The following SLCO2B1 variants were observed in gnomAD, a reference collection of about 807,000 sequenced individuals.
The protein encoded by SLCO2B1 is OATP-RP2.
Under a neutral mutation model 67.3 loss-of-function variants are expected in SLCO2B1, and 41 were observed. The observed-to-expected ratio is 0.61, with a 90% CI of 0.47 to 0.79. SLCO2B1 has a LOEUF of 0.79. Ranked by LOEUF, SLCO2B1 falls within the 30% of genes least tolerant of loss-of-function variation. SLCO2B1 has a pLI of 0.00. For synonymous variants in SLCO2B1, 379 were observed against 381.4 expected, an observed-to-expected ratio of 0.99 and a Z score of 0.07; for missense variants, 837 against 920.1, an observed-to-expected ratio of 0.91 and a Z score of 1.17.
intron 11 of SLCO2B1, 194 bp downstream of exon 11, chr11:75,200,581 AAAT>A: frequency 1.9e-6 from 1 of 524,140 alleles, no homozygotes; most frequent in South Asian, 3.3e-5. Context: ...GCAGATAAGA[AAAT>A]TGAGGCTCAG....
chr11:75,159,827 G>A (rs1299221751), intron 1 of SLCO2B1: 1 of 985,300 alleles, frequency 1.0e-6, no homozygotes, highest in Non-Finnish European at 1.2e-6. Context: ...AAGGCTTTGA[G>A]CCTTGGCAGA....
intron 6 of SLCO2B1, among the ~76,000 whole-genome samples, chr11:75,171,496 G>A (rs1256480609): frequency 6.6e-6 from 1 of 152,138 alleles, no homozygotes; most frequent in Admixed American, 6.6e-5. Context: ...GGCCTCTAAT[G>A]AGTCTTCCAC....
intron 8 of SLCO2B1, among the ~76,000 whole-genome samples, chr11:75,189,859 G>A (rs936741294): frequency 6.6e-6 from 1 of 152,060 alleles, no homozygotes; most frequent in Non-Finnish European, 1.5e-5. Flanking sequence ...CTACTGGGGA[G>A]GCTGAGGTGG....
chr11:75,172,337 C>A, intron 6 of SLCO2B1, 42 bp from the exon 7 acceptor site: 1 of 1,560,674 alleles, frequency 6.4e-7, no homozygotes, highest in South Asian at 1.2e-5. Flanking sequence ...AAGTGACAGC[C>A]TATCATCCTG....
chr11:75,165,430 CA>C (rs56318055), intron 3 of SLCO2B1, among the ~76,000 whole-genome samples: 72,612 of 127,084 alleles, frequency 0.57, 18,547 homozygotes, highest in Non-Finnish European at 0.63. Flanking sequence ...AATTCCGTCT[CA>C]AAAAAAAAAA....
chr11:75,192,502 A>C (rs1189944583), intron 8 of SLCO2B1, among the ~76,000 whole-genome samples: 1 of 152,124 alleles, frequency 6.6e-6, no homozygotes, highest in African/African-American at 2.4e-5. Flanking sequence ...AGGAGGATGA[A>C]GGCCTGGGAG....
chr11:75,171,132 C>A (rs1949955138), intron 6 of SLCO2B1, among the ~76,000 whole-genome samples: 1 of 152,126 alleles, frequency 6.6e-6, no homozygotes, highest in Admixed American at 6.5e-5. Flanking sequence ...AAAGCCAAAC[C>A]CATCCCCGGC....
intron 7 of SLCO2B1, among the ~76,000 whole-genome samples, chr11:75,177,922 C>T (rs937077856): frequency 5.3e-5 from 8 of 151,920 alleles, no homozygotes; most frequent in African/African-American, 9.7e-5. Context: ...TGGTGAAACC[C>T]GTCTCTACTA....
In SLCO2B1 at chr11:75,151,282, T is replaced by C. The variant is rs1949684347; in HGVS notation, c.-100T>C. The C allele has an allele frequency of 3.7e-6, 4 of 1,075,636 alleles. No homozygotes were observed. Among genetic ancestry groups the C allele is most frequent in the Non-Finnish European group, 5.6e-6 (4 of 716,918 alleles). 66.6% of individuals were successfully genotyped at this position (1,075,636 alleles called of 1,614,324 possible). A position where few individuals can be genotyped will look rare whatever the true frequency, so the allele number is the denominator to read the frequency against. Reference sequence around the variant, plus strand: ...ATCCCTGCTGTGGCTCACCTGCTGCTGTCTCCAGGAGCCCCTGAGAAGATT... The same window carrying C: ...ATCCCTGCTGTGGCTCACCTGCTGCCGTCTCCAGGAGCCCCTGAGAAGATT... On this transcript the variant is annotated 5_prime_UTR_variant, in exon 1 of 14. Coordinates refer to ENST00000289575, the MANE Select transcript of SLCO2B1 (RefSeq NM_007256.5).
chr11:75,173,111 C>G (rs1949984653), intron 7 of SLCO2B1, among the ~76,000 whole-genome samples: 1 of 152,168 alleles, frequency 6.6e-6, no homozygotes, highest in Non-Finnish European at 1.5e-5. Flanking sequence ...CAAGGCAGCA[C>G]TGGGATGAGA....
At chr11:75,178,886 G>A (rs1269420368) in intron 7 of SLCO2B1, among the ~76,000 whole-genome samples, 1 of 152,072 alleles carries the variant, frequency 6.6e-6, no homozygotes, top group Non-Finnish European at 1.5e-5. Flanking sequence ...TCTGTGCCTG[G>A]CTTATTTCAC....
intron 7 of SLCO2B1, among the ~76,000 whole-genome samples, chr11:75,173,614 C>T (rs2140317482): frequency 6.6e-6 from 1 of 152,222 alleles, no homozygotes; most frequent in East Asian, 1.9e-4. Context: ...CACAGAGGCC[C>T]AGCCCAGTGG....
At chr11:75,186,893 C>T (rs1944944418) in intron 7 of SLCO2B1, among the ~76,000 whole-genome samples, 1 of 152,126 alleles carries the variant, frequency 6.6e-6, no homozygotes, top group Non-Finnish European at 1.5e-5. Flanking sequence ...CCTTGGTTGC[C>T]CCCTTCCTTC....
intron 10 of SLCO2B1, among the ~76,000 whole-genome samples, chr11:75,197,949 G>A (rs886911349): frequency 1.4e-4 from 22 of 152,320 alleles, no homozygotes; most frequent in Admixed American, 2.6e-4. Context: ...CCAGGCTGTA[G>A]TGAAGCTTGG....
At chr11:75,196,346 G>T in intron 9 of SLCO2B1, 168 bp from the exon 10 acceptor site, 2 of 651,658 alleles carry the variant, frequency 3.1e-6, no homozygotes, top group South Asian at 2.0e-5. Context: ...CACCTTCATT[G>T]CAAGGAGCTC....
chr11:75,182,398 A>G (rs1268757653), intron 7 of SLCO2B1, among the ~76,000 whole-genome samples: 3 of 152,170 alleles, frequency 2.0e-5, no homozygotes, highest in African/African-American at 7.2e-5. Flanking sequence ...TGCAATAATA[A>G]TCCCTGCACC....
At chr11:75,180,811 C>G (rs1950083272) in intron 7 of SLCO2B1, among the ~76,000 whole-genome samples, 1 of 152,164 alleles carries the variant, frequency 6.6e-6, no homozygotes. Context: ...AGTTATTACC[C>G]CCATCTTATA....
chr11:75,168,152 C>T (rs963576694), intron 4 of SLCO2B1, among the ~76,000 whole-genome samples: 1 of 152,132 alleles, frequency 6.6e-6, no homozygotes, highest in African/African-American at 2.4e-5. Context: ...CTCGGCCTCC[C>T]AAAGTGCTGG....
In SLCO2B1 at chr11:75,188,227, A is replaced by T; in HGVS notation, c.1064A>T (p.Gln355Leu). 1 of 1,612,936 alleles carries T rather than the reference A, an allele frequency of 6.2e-7. No homozygotes were observed. Among genetic ancestry groups the T allele is most frequent in the Non-Finnish European group, 8.5e-7 (1 of 1,178,896 alleles). ...VQIAPNLTVI[Q>L]FIKVFPRVLL... ...ATTGCACCAAACCTGACTGTGATCC[A>T]GTTCATTAAAGGTAAGTCAGCTCAG... The change falls in exon 8 of 14, where the codon CAG becomes CTG. Residue 355 changes from glutamine (Q) to leucine (L), a missense_variant. Coordinates refer to ENST00000289575, the MANE Select transcript of SLCO2B1 (RefSeq NM_007256.5).
Sources: allele counts gnomAD v4.1 joint callset (sites outside exome capture counted in the v4.1 genomes callset), GRCh38; gene constraint gnomAD v4.1.1; transcripts MANE v1.5; gene names NCBI Gene and HGNC (gene_info 2026-07-23, HGNC 2026-07-21).